C2orf42: variants seen among roughly 807,000 people sequenced by gnomAD.
The protein encoded by C2orf42 is uncharacterized protein C2orf42.
A neutral mutation model predicts 58.9 loss-of-function variants in C2orf42; 44 were observed. The ratio of observed to expected loss-of-function variants is 0.75; its 90% CI spans 0.59 to 0.96. C2orf42 has a LOEUF of 0.96. C2orf42 is among the 40% of genes least tolerant of loss of function. The probability of loss-of-function intolerance (pLI) is 0.00; values close to 1 mark genes in which losing one functional copy is unlikely to be tolerated. For synonymous variants in C2orf42, 239 were observed against 265.4 expected (o/e 0.90, Z 0.97); for missense variants, 630 against 699.2 (o/e 0.90, Z 1.12).
intron 7 of C2orf42, 37 bp from the exon 8 acceptor site, chr2:70,165,229 A>G: frequency 8.6e-7 from 1 of 1,167,904 alleles, no homozygotes; most frequent in Non-Finnish European, 1.3e-6. Context: ...AGATTACCAA[A>G]AAATAACATT....
At chr2:70,150,849 G>C (rs568155771) in intron 9 of C2orf42, among the ~76,000 whole-genome samples, 2 of 152,280 alleles carry the variant, frequency 1.3e-5, no homozygotes, top group South Asian at 4.1e-4. Context: ...GGGTTCAAGC[G>C]ATTCTCCTTC....
chr2:70,158,683 C>G (rs549407709), intron 9 of C2orf42, among the ~76,000 whole-genome samples: 1 of 151,000 alleles, frequency 6.6e-6, no homozygotes, highest in South Asian at 2.1e-4. Flanking sequence ...CTCCTGACCT[C>G]GTGATCTGCC....
At chr2:70,158,743 C>A (rs1035088284) in intron 9 of C2orf42, among the ~76,000 whole-genome samples, 1 of 151,918 alleles carries the variant, frequency 6.6e-6, no homozygotes, top group African/African-American at 2.4e-5. Context: ...TCACCACGCC[C>A]GGCCACGCCT....
intron 1 of C2orf42, among the ~76,000 whole-genome samples, chr2:70,183,718 C>T (rs565150739): frequency 7.6e-6 from 1 of 131,048 alleles, no homozygotes; most frequent in Admixed American, 7.8e-5. Flanking sequence ...GCCCGGCCGA[C>T]CCCATCTCTT....
rs756023356 is a variant in C2orf42 at position 70,150,329 on chromosome 2, A to G, written c.*27T>C. 6.3e-7 allele frequency: 1 copy of G among 1,596,502 alleles called. No individual in the cohort carries two copies. The highest frequency in any genetic ancestry group is 8.6e-7 in the Non-Finnish European group (1 of 1,166,460). ...AGGGGTGGGGATGTGCAAATTAAGC[A>G]GCAAAAGATTATTATCTTGTTTTGC... On this transcript the variant is annotated 3_prime_UTR_variant, in exon 10 of 10. Transcript: ENST00000264434.
intron 5 of C2orf42, among the ~76,000 whole-genome samples, chr2:70,172,080 C>T (rs996920707): frequency 4.5e-4 from 68 of 151,804 alleles, no homozygotes; most frequent in South Asian, 2.3e-3. Context: ...AAAAATTAGC[C>T]AGGCGTAGTG....
chr2:70,153,277 C>G (rs1325077705), intron 9 of C2orf42, among the ~76,000 whole-genome samples: 1 of 151,906 alleles, frequency 6.6e-6, no homozygotes, highest in Non-Finnish European at 1.5e-5. Flanking sequence ...CATCAGCGCT[C>G]CACATACAGA....
intron 3 of C2orf42, 59 bp downstream of exon 3, chr2:70,181,104 G>T: frequency 1.1e-6 from 1 of 939,190 alleles, no homozygotes; most frequent in Non-Finnish European, 1.6e-6. Context: ...TGCATCAGTG[G>T]AACTCTTTTC....
rs148962193 is a variant in C2orf42 at position 70,189,094 on chromosome 2, T to C, written c.-282+1879A>G. Among the ~76,000 whole-genome samples the C allele has an allele frequency of 1.7e-4, 26 of 151,944 alleles. No homozygotes were observed. The East Asian group carries it at 4.4e-3, about 26-fold the overall frequency. On this transcript the variant is annotated intron_variant, in intron 1 of 9. Coordinates refer to ENST00000264434, the MANE Select transcript of C2orf42 (RefSeq NM_017880.3). ...ATGGAATACTTCCCAGAAAATAAAATATTTTTACAGCTGTTTAAAAAAAAA... is the reference window on the plus strand; with the variant it reads ...ATGGAATACTTCCCAGAAAATAAAACATTTTTACAGCTGTTTAAAAAAAAA...
At chr2:70,185,712 CA>C (rs985102128) in intron 1 of C2orf42, among the ~76,000 whole-genome samples, 1 of 146,598 alleles carries the variant, frequency 6.8e-6, no homozygotes, top group African/African-American at 2.5e-5. Context: ...GACTTTGTCA[CA>C]AAAAAAAATA....
chr2:70,153,415 G>T (rs1310091785), intron 9 of C2orf42, among the ~76,000 whole-genome samples: 2 of 148,026 alleles, frequency 1.4e-5, no homozygotes, highest in African/African-American at 2.5e-5. Context: ...CCAGGCTGTA[G>T]TGGTGCGATC....
In C2orf42 at chr2:70,188,137, CT is replaced by C. The variant is rs577535461; in HGVS notation, c.-282+2835del. ...TAACATTGGTACAACACTATTAACTCTACTACAGGCTTTATTCAGATTTTAC... is the reference window on the plus strand; with the variant it reads ...TAACATTGGTACAACACTATTAACTCACTACAGGCTTTATTCAGATTTTAC... On this transcript the variant is annotated intron_variant, in intron 1 of 9. Transcript: ENST00000264434. 5.2e-4 allele frequency among the ~76,000 whole-genome samples: 79 copies of C among 152,278 alleles called. No individual in the cohort carries two copies. The South Asian group carries it at 0.014, about 26-fold the overall frequency.
intron 5 of C2orf42, 151 bp downstream of exon 5, chr2:70,175,522 A>C: frequency 1.5e-6 from 1 of 662,400 alleles, no homozygotes. Flanking sequence ...ATGATTTGAA[A>C]CTGGTGGGAC....
intron 8 of C2orf42, among the ~76,000 whole-genome samples, chr2:70,164,083 A>C (rs1457674529): frequency 2.0e-5 from 3 of 150,350 alleles, no homozygotes; most frequent in African/African-American, 4.9e-5. Flanking sequence ...AGACTGCGGC[A>C]GACAGATTGC....
intron 9 of C2orf42, among the ~76,000 whole-genome samples, chr2:70,154,703 C>G (rs117727645): frequency 0.026 from 3,882 of 152,194 alleles, 345 homozygotes; most frequent in Admixed American, 0.17. Flanking sequence ...TTACCTATAA[C>G]TTACCTAACT....
intron 6 of C2orf42, among the ~76,000 whole-genome samples, chr2:70,169,344 T>C (rs919297042): frequency 1.3e-5 from 2 of 152,166 alleles, no homozygotes; most frequent in Non-Finnish European, 2.9e-5. Context: ...TGCTATGTTT[T>C]TTCTCTTCTG....
intron 3 of C2orf42, among the ~76,000 whole-genome samples, chr2:70,180,020 G>A (rs1456360755): frequency 5.3e-5 from 8 of 152,136 alleles, no homozygotes; most frequent in African/African-American, 1.7e-4. Flanking sequence ...GGCCGGGTGC[G>A]GTGGCTCACG....
In C2orf42 at chr2:70,181,000, CAAAAAAAAAAAAAAAA is replaced by C. The variant is rs58297085; in HGVS notation, c.823+147_823+162del. On this transcript the variant is annotated intron_variant, in intron 3 of 9. Coordinates refer to ENST00000264434, the MANE Select transcript of C2orf42 (RefSeq NM_017880.3). Reference sequence around the variant, plus strand: ...TGGGCAACAAAGTGAGACCTTGTCTCAAAAAAAAAAAAAAAAAAAAAAAAAAAGAAGGAACACTTTT... The same window carrying C: ...TGGGCAACAAAGTGAGACCTTGTCTCAAAAAAAAAAAGAAGGAACACTTTT... 5.5e-4 allele frequency among the ~76,000 whole-genome samples: 33 copies of C among 60,406 alleles called. 2 individuals carry two copies. The East Asian group carries it at 0.019, about 34-fold the overall frequency. The allele number at this position is 60,406 out of a possible 152,430, so 39.6% of individuals were successfully genotyped here. A position where few individuals can be genotyped will look rare whatever the true frequency, so the allele number is the denominator to read the frequency against.
chr2:70,165,673 C>G lies in C2orf42; in HGVS notation c.1145-38G>C, dbSNP rs375513434. On this transcript the variant is annotated intron_variant, in intron 6 of 9. Transcript: ENST00000264434. ...AGAAGAAACAACTCATTTAAAGAAA[C>G]TCAGTGGACTTTCTGATGTACAGGG... The G allele has an allele frequency of 3.8e-5, 42 of 1,106,980 alleles. No homozygotes were observed. In the African/African-American group the frequency reaches 6.0e-4, roughly 16 times the overall value. The allele number at this position is 1,106,980 out of a possible 1,614,324, so 68.6% of individuals were successfully genotyped here.
Sources: gnomAD v4.1 joint callset for allele counts (sites outside exome capture counted in the v4.1 genomes callset) on GRCh38, gnomAD v4.1.1 for gene constraint, MANE v1.5 for transcripts, NCBI Gene and HGNC (gene_info 2026-07-23, HGNC 2026-07-21) for gene names.